GRM4: variants seen among roughly 807,000 people sequenced by gnomAD.
The protein encoded by GRM4 is metabotropic glutamate receptor 4.
A neutral mutation model predicts 81.7 loss-of-function variants in GRM4; 28 were observed. The observed-to-expected ratio is 0.34, with a 90% CI of 0.25 to 0.47. The LOEUF (loss-of-function observed/expected upper bound fraction) is 0.47, where lower values mean the gene tolerates loss of function less well. Ranked by LOEUF, GRM4 falls within the 20% of genes least tolerant of loss-of-function variation. The pLI is 1.00. For missense variants in GRM4, 948 were observed against 1,290.0 expected (o/e 0.73, Z 4.06); for synonymous variants, 488 against 528.8 (o/e 0.92, Z 1.06).
chr6:34,022,894 AC>A lies in GRM4; in HGVS notation c.2690-25del. 1 of 1,606,516 alleles carries A rather than the reference AC, an allele frequency of 6.2e-7. No homozygotes were observed. The highest frequency in any genetic ancestry group is 8.5e-7 in the Non-Finnish European group (1 of 1,173,044). ...CGCTGGAAGGAGAGAGACCAGGGGT[AC>A]CCAGGAGTCAGGGGCTGCTTTTCTC... On this transcript the variant is annotated intron_variant, in intron 10 of 10. Coordinates refer to ENST00000538487, the MANE Select transcript of GRM4 (RefSeq NM_000841.4). This position sits in a 1 kb window ranked among gnomAD's most constrained non-coding sequence, Gnocchi z 5.6.
chr6:34,039,012 G>A (rs1165837963), intron 8 of GRM4, among the ~76,000 whole-genome samples: 1 of 152,178 alleles, frequency 6.6e-6, no homozygotes, highest in African/African-American at 2.4e-5. Flanking sequence ...TGCAGTCCCC[G>A]GCCCCCGTGC....
intron 3 of GRM4, among the ~76,000 whole-genome samples, chr6:34,072,362 C>T (rs1766959618): frequency 7.4e-6 from 1 of 135,568 alleles, no homozygotes; most frequent in Non-Finnish European, 1.6e-5. Flanking sequence ...ACACACACAT[C>T]CTTACATCAC....
rs898186689 is a variant in GRM4, at chr6:34,073,489, G to A, written c.737-11461C>T. ...CACATCACCATACACAGTCAGATAC[G>A]CACCACACACAAATACACATAACCA... On this transcript the variant is annotated intron_variant, in intron 3 of 10. Transcript: ENST00000538487. 4.0e-5 allele frequency among the ~76,000 whole-genome samples: 6 copies of A among 150,140 alleles called. No individual in the cohort carries two copies. The South Asian group carries it at 6.4e-4, about 16-fold the overall frequency.
At chr6:34,031,335 T>C (rs1322501468) in intron 9 of GRM4, among the ~76,000 whole-genome samples, 1 of 152,192 alleles carries the variant, frequency 6.6e-6, no homozygotes. Flanking sequence ...ACCTCACTAG[T>C]CATGTGCTCC....
chr6:34,133,726 C>A lies in GRM4; in HGVS notation c.-230G>T. On this transcript the variant is annotated 5_prime_UTR_variant, in exon 2 of 11. Transcript: ENST00000538487. The surrounding 1 kb of genome is among the most constrained non-coding windows in gnomAD (Gnocchi z 6.5). ...AGACAGCAGGCAGTGGCCGGGGTTGCAGGAAGGCTCTGATCCTTGTCCCGT... is the reference window on the plus strand; with the variant it reads ...AGACAGCAGGCAGTGGCCGGGGTTGAAGGAAGGCTCTGATCCTTGTCCCGT... 1 of 1,298,246 alleles carries A rather than the reference C, an allele frequency of 7.7e-7. No homozygotes were observed. Among genetic ancestry groups the A allele is most frequent in the Non-Finnish European group, 9.7e-7 (1 of 1,027,782 alleles). 80.4% of individuals were successfully genotyped at this position (1,298,246 alleles called of 1,614,324 possible).
intron 2 of GRM4, among the ~76,000 whole-genome samples, chr6:34,128,960 C>T (rs935869421): frequency 2.0e-5 from 3 of 152,176 alleles, no homozygotes; most frequent in Admixed American, 2.0e-4. Context: ...AACTGCTTCC[C>T]TCTGGGGGTG....
chr6:34,037,637 G>T (rs543163879), intron 8 of GRM4, among the ~76,000 whole-genome samples: 18 of 152,186 alleles, frequency 1.2e-4, no homozygotes, highest in Admixed American at 9.2e-4. Flanking sequence ...GGGCAAGGCG[G>T]GAGGATCATG....
At chr6:34,107,753 G>A (rs192091894) in intron 2 of GRM4, among the ~76,000 whole-genome samples, 223 of 152,298 alleles carry the variant, frequency 1.5e-3, no homozygotes, top group African/African-American at 5.0e-3. Context: ...ACAGCTTGAC[G>A]GGCAGGATGA....
At chr6:34,065,849 A>G (rs1766433730) in intron 3 of GRM4, among the ~76,000 whole-genome samples, 1 of 152,248 alleles carries the variant, frequency 6.6e-6, no homozygotes, top group Non-Finnish European at 1.5e-5. Flanking sequence ...AGGGGCACAC[A>G]GTAGCAGGAG....
chr6:34,060,059 G>C (rs866750666), intron 4 of GRM4: 4 of 152,434 alleles, frequency 2.6e-5, no homozygotes, highest in African/African-American at 9.6e-5. Context: ...GGGCTGGGGG[G>C]TGGCTGCTGG....
At chr6:34,094,166 T>C (rs1768390610) in intron 2 of GRM4, among the ~76,000 whole-genome samples, 1 of 152,196 alleles carries the variant, frequency 6.6e-6, no homozygotes, top group Admixed American at 6.5e-5. Flanking sequence ...AGGTGGAAGC[T>C]GTTTACTGTG....
At position 34,036,404 on chromosome 6, in the gene GRM4, T is replaced by C. The variant is rs560544813; in HGVS notation, c.1706A>G (p.Asn569Ser). The change falls in exon 9 of 11, where the codon AAC becomes AGC. Residue 569 changes from asparagine (N) to serine (S), a missense_variant. Transcript: ENST00000538487. This position sits in a 1 kb window ranked among gnomAD's most constrained non-coding sequence, Gnocchi z 9.0. ...GGGGATGGGCCGGCAGCCCGTGCGG[T>C]TCTCTGTGGGCCGCATGTCATAGGG... ...TCPYDMRPTE[N>S]RTGCRPIPII... 73 of 1,612,024 alleles carry C rather than the reference T, an allele frequency of 4.5e-5. No individual in the cohort carries two copies. Among genetic ancestry groups the C allele is most frequent in the Non-Finnish European group, 6.1e-5 (72 of 1,178,590 alleles).
In GRM4 at chr6:34,028,184, C is replaced by G. The variant is rs375175251; in HGVS notation, c.2625G>C (p.Gln875His). The G allele has an allele frequency of 6.2e-7, 1 of 1,614,046 alleles. No individual in the cohort carries two copies. The highest frequency in any genetic ancestry group is 8.5e-7 in the Non-Finnish European group (1 of 1,180,014). Residue 875 changes from glutamine to histidine, a missense_variant, in exon 10 of 11, where the codon CAG (glutamine) becomes CAC (histidine). By Grantham distance (24) the Gln-to-His change is conservative. Coordinates refer to ENST00000538487, the MANE Select transcript of GRM4 (RefSeq NM_000841.4). ...TAATMSNKFT[Q>H]KGNFRPNGEA... ...CTCCGTTGGGCCGGAAGTTGCCCTT[C>G]TGCGTGAACTTGTTGGACATGGTGG...
At chr6:34,139,441 T>C (rs900219859) in intron 1 of GRM4, among the ~76,000 whole-genome samples, 3 of 152,200 alleles carry the variant, frequency 2.0e-5, no homozygotes, top group African/African-American at 7.2e-5. Context: ...CCCCAACCTA[T>C]GATTCCCTCC....
At chr6:34,053,140 G>A (rs1245984905) in intron 6 of GRM4, among the ~76,000 whole-genome samples, 1 of 152,222 alleles carries the variant, frequency 6.6e-6, no homozygotes, top group African/African-American at 2.4e-5. Context: ...ACAGCTCACT[G>A]AGATAGCTGT....
intron 10 of GRM4, among the ~76,000 whole-genome samples, chr6:34,027,685 C>T (rs770822971): frequency 2.0e-5 from 3 of 152,160 alleles, no homozygotes; most frequent in African/African-American, 7.2e-5. Context: ...TGCAGGGCCC[C>T]GGGGACGATT....
At position 34,018,718 on chromosome 6, in the gene GRM4, A is replaced by G. The variant is rs1221035078; in HGVS notation, c.*4103T>C. The G allele has an allele frequency of 6.6e-6, 1 of 152,086 alleles. No homozygotes were observed. The highest frequency in any genetic ancestry group is 1.5e-5 in the Non-Finnish European group (1 of 68,018). 9.4% of individuals were successfully genotyped at this position (152,086 alleles called of 1,614,324 possible). A position where few individuals can be genotyped will look rare whatever the true frequency, so the allele number is the denominator to read the frequency against. The stretch of plus-strand genomic sequence containing the variant: ...ACAGGCAGGGCCTTGGAGGTTACCT[A>G]AAAATAAAGCAAGAAGCCTCATTAC... On this transcript the variant is annotated 3_prime_UTR_variant, in exon 11 of 11. Transcript: ENST00000538487.
chr6:34,028,411 G>A (rs753733819), intron 9 of GRM4, 45 bp from the exon 10 acceptor site: 3 of 1,578,880 alleles, frequency 1.9e-6, no homozygotes, highest in Non-Finnish European at 8.6e-7. Flanking sequence ...TGCCCCGACT[G>A]AGGGCCCTGA....
chr6:34,077,535 C>T (rs1357775699), intron 3 of GRM4, among the ~76,000 whole-genome samples: 2 of 152,100 alleles, frequency 1.3e-5, no homozygotes, highest in Non-Finnish European at 2.9e-5. Context: ...CCCACCTGGT[C>T]ACTCCCATCC....
Sources: gnomAD v4.1 joint callset for allele counts (sites outside exome capture counted in the v4.1 genomes callset) on GRCh38, gnomAD v4.1.1 for gene constraint, Gnocchi (gnomAD v3.1) non-coding constraint, MANE v1.5 for transcripts, NCBI Gene and HGNC (gene_info 2026-07-23, HGNC 2026-07-21) for gene names.